Variants in TXK observed in about 807,000 individuals in gnomAD.
The protein encoded by TXK is TXK tyrosine kinase.
TXK carries 60 observed loss-of-function variants against 81.0 expected under a neutral mutation model. The ratio of observed to expected loss-of-function variants is 0.74; its 90% confidence interval spans 0.60 to 0.92. The LOEUF (loss-of-function observed/expected upper bound fraction) is 0.92. Among genes scored for constraint, TXK ranks in the 40% least tolerant of loss-of-function variants. The pLI is 0.00. For synonymous variants in TXK, 203 were observed against 210.7 expected, an observed-to-expected ratio of 0.96 and a Z score of 0.32; for missense variants, 581 against 638.3, an observed-to-expected ratio of 0.91 and a Z score of 0.97.
chr4:48,080,342 G>A (rs1223298384), intron 10 of TXK, among the ~76,000 whole-genome samples: 2 of 152,206 alleles, frequency 1.3e-5, no homozygotes, highest in African/African-American at 4.8e-5. Context: ...CAGAGGCAGA[G>A]TGGAGACAGA....
intron 1 of TXK, among the ~76,000 whole-genome samples, chr4:48,131,279 C>T (rs1458324724): frequency 6.6e-6 from 1 of 151,676 alleles, no homozygotes. Context: ...CTTAAAACAA[C>T]AAATGTTTTT....
At chr4:48,109,642 G>T in intron 5 of TXK, among the ~76,000 whole-genome samples, 1 of 152,192 alleles carries the variant, frequency 6.6e-6, no homozygotes, top group African/African-American at 2.4e-5. Context: ...CATGTGTCCT[G>T]AAGTCATCTC....
intron 8 of TXK, among the ~76,000 whole-genome samples, chr4:48,092,066 G>A (rs1313271793): frequency 6.6e-6 from 1 of 152,174 alleles, no homozygotes; most frequent in Non-Finnish European, 1.5e-5. Context: ...CCTACAAGGG[G>A]CTGGATGATG....
chr4:48,084,151 G>A (rs925694896), intron 10 of TXK, among the ~76,000 whole-genome samples: 1 of 152,122 alleles, frequency 6.6e-6, no homozygotes, highest in African/African-American at 2.4e-5. Context: ...GTGCAGTGGT[G>A]CCATCATGGC....
chr4:48,120,908 G>A (rs1718941434), intron 1 of TXK, among the ~76,000 whole-genome samples: 1 of 151,650 alleles, frequency 6.6e-6, no homozygotes, highest in Admixed American at 6.6e-5. Flanking sequence ...GGTCACCAGT[G>A]ACCCATGCAC....
At position 48,112,417 on chromosome 4, in the gene TXK, A is replaced by C. The variant is rs1436356693; in HGVS notation, c.270T>G (p.Leu90=). The C allele has an allele frequency of 6.2e-7, 1 of 1,614,060 alleles. No individual in the cohort carries two copies. The highest frequency in any genetic ancestry group is 1.3e-5 in the African/African-American group (1 of 74,898). ...AGGGTTCTCTGGGCAGAAAATCATA[A>C]AGTGCCTTGACTTGGATCTTCTCTT... is the stretch of plus-strand genomic sequence containing the variant. ...VAEEKIQVKA[L]YDFLPREPCN... Residue 90 remains leucine (L), a synonymous_variant, in exon 4 of 15, where the codon CTT becomes CTG. Coordinates refer to ENST00000264316, the MANE Select transcript of TXK (RefSeq NM_003328.3).
chr4:48,134,220 T>C lies in TXK; in HGVS notation c.-50A>G. On this transcript the variant is annotated 5_prime_UTR_variant, in exon 1 of 15. Coordinates refer to ENST00000264316, the MANE Select transcript of TXK (RefSeq NM_003328.3). ...ACAACAGTCTTCAGTTCTTCTGCGG[T>C]GCTCTACTCACAAAAACACATCTTT... The C allele has an allele frequency of 1.9e-6, 3 of 1,606,040 alleles. No homozygotes were observed. The highest frequency in any genetic ancestry group is 2.6e-6 in the Non-Finnish European group (3 of 1,176,422).
chr4:48,106,545 G>A (rs1718467097), intron 5 of TXK, among the ~76,000 whole-genome samples: 2 of 151,982 alleles, frequency 1.3e-5, no homozygotes, highest in Admixed American at 1.3e-4. Flanking sequence ...TCCAGCTATG[G>A]GTGAGTAGAA....
At chr4:48,096,738 A>G (rs1437226054) in intron 6 of TXK, among the ~76,000 whole-genome samples, 1 of 152,044 alleles carries the variant, frequency 6.6e-6, no homozygotes, top group East Asian at 1.9e-4. Flanking sequence ...CGTGTTGGCC[A>G]TGCTGGTCTC....
intron 13 of TXK, among the ~76,000 whole-genome samples, chr4:48,073,091 ATTTTTT>A (rs33919573): frequency 7.3e-6 from 1 of 136,958 alleles, no homozygotes; most frequent in Non-Finnish European, 1.5e-5. Flanking sequence ...CACCTGGCTA[ATTTTTT>A]TTTTTTTTTT....
intron 1 of TXK, among the ~76,000 whole-genome samples, chr4:48,125,974 C>T (rs1020077962): frequency 2.0e-5 from 3 of 152,202 alleles, no homozygotes; most frequent in Admixed American, 6.5e-5. Context: ...CCAAGTCCAC[C>T]GATTTAAATG....
intron 6 of TXK, 101 bp downstream of exon 6, chr4:48,104,800 G>T: frequency 1.2e-6 from 1 of 856,740 alleles, no homozygotes; most frequent in Non-Finnish European, 1.8e-6. Flanking sequence ...TGATATTTTA[G>T]AACTAGAAAA....
intron 1 of TXK, among the ~76,000 whole-genome samples, chr4:48,126,314 T>A (rs576734496): frequency 4.6e-5 from 7 of 152,360 alleles, no homozygotes; most frequent in African/African-American, 1.7e-4. Context: ...TATGACTTTC[T>A]TAAAGCATTT....
chr4:48,075,836 G>T (rs1287544458), intron 12 of TXK, among the ~76,000 whole-genome samples: 1 of 152,050 alleles, frequency 6.6e-6, no homozygotes, highest in Non-Finnish European at 1.5e-5. Flanking sequence ...CGAGACACAA[G>T]AACTTGGACT....
intron 7 of TXK, 120 bp downstream of exon 7, chr4:48,095,023 G>T: frequency 1.2e-6 from 1 of 835,092 alleles, no homozygotes; most frequent in Non-Finnish European, 2.0e-6. Flanking sequence ...GGACTGGTTG[G>T]TTTTTCTAAC....
At chr4:48,097,999 G>A (rs1427844514) in intron 6 of TXK, among the ~76,000 whole-genome samples, 5 of 146,176 alleles carry the variant, frequency 3.4e-5, no homozygotes, top group Non-Finnish European at 7.6e-5. Flanking sequence ...CGCCCGCCTC[G>A]GCCTCCCAAA....
chr4:48,122,148 G>A (rs1718978147), intron 1 of TXK, among the ~76,000 whole-genome samples: 1 of 152,090 alleles, frequency 6.6e-6, no homozygotes, highest in Non-Finnish European at 1.5e-5. Context: ...GTCTGATCAT[G>A]TTACTCCTTG....
intron 6 of TXK, among the ~76,000 whole-genome samples, chr4:48,097,994 G>A (rs1718050541): frequency 6.6e-6 from 1 of 151,870 alleles, no homozygotes; most frequent in Admixed American, 6.6e-5. Context: ...CGATCCGCCC[G>A]CCTCGGCCTC....
intron 5 of TXK, among the ~76,000 whole-genome samples, chr4:48,108,035 C>A (rs1438015692): frequency 1.3e-5 from 2 of 151,988 alleles, no homozygotes; most frequent in Non-Finnish European, 2.9e-5. Context: ...CACGACACTG[C>A]ACTCCAGCCT....
Sources: allele counts gnomAD v4.1 joint callset (sites outside exome capture counted in the v4.1 genomes callset), GRCh38; gene constraint gnomAD v4.1.1; transcripts MANE v1.5; gene names NCBI Gene and HGNC (gene_info 2026-07-23, HGNC 2026-07-21).